The following ZSWIM6 variants were observed in gnomAD, a reference collection of about 807,000 sequenced individuals.
The protein encoded by ZSWIM6 is zinc finger SWIM domain-containing protein 6.
In ZSWIM6, 9 loss-of-function variants were observed where a neutral mutation model predicts 113.2. The ratio of observed to expected loss-of-function variants is 0.08; its 90% CI spans 0.05 to 0.14. The LOEUF (loss-of-function observed/expected upper bound fraction) is 0.14. ZSWIM6 is among the 10% of genes least tolerant of loss of function. The pLI, the probability that ZSWIM6 is intolerant of heterozygous loss-of-function variation, is 1.00. For synonymous variants in ZSWIM6, 611 were observed against 606.5 expected (o/e 1.01, Z -0.11); for missense variants, 1,162 against 1,552.2 (o/e 0.75, Z 4.22).
At chr5:61,504,144 G>T (rs1403141389) in intron 4 of ZSWIM6, among the ~76,000 whole-genome samples, 1 of 152,172 alleles carries the variant, frequency 6.6e-6, no homozygotes. Flanking sequence ...AACAATGATT[G>T]AAAGGTATTA....
intron 4 of ZSWIM6, among the ~76,000 whole-genome samples, chr5:61,509,847 T>A (rs1748731266): frequency 6.6e-6 from 1 of 152,178 alleles, no homozygotes. Context: ...TTATTAAATG[T>A]AAAATACTTA....
rs577935740 is a variant in ZSWIM6 at position 61,471,117 on chromosome 5, A to G, written c.677-1564A>G. 8.5e-5 allele frequency among the ~76,000 whole-genome samples: 13 copies of G among 152,316 alleles called. No individual in the cohort carries two copies. In the South Asian group the frequency reaches 2.1e-3, roughly 24 times the overall value. ...ACTGGAAGAAACAGTGGCTAGCTAG[A>G]TGAATTTTATTAAAGTAGCATCAAT... On this transcript the variant is annotated intron_variant, in intron 1 of 13. Transcript: ENST00000252744.
At chr5:61,340,655 T>G (rs949078132) in intron 1 of ZSWIM6, among the ~76,000 whole-genome samples, 2 of 152,246 alleles carry the variant, frequency 1.3e-5, no homozygotes, top group Non-Finnish European at 2.9e-5. Flanking sequence ...GTAAATTGTT[T>G]AGAGTGGCAT....
rs182728817 is a variant in ZSWIM6, at chr5:61,333,306, G to T, written c.676+358G>T. Among the ~76,000 whole-genome samples, 1,929 of 151,506 alleles carry T rather than the reference G, an allele frequency of 0.013. 130 individuals are homozygous for T. In the East Asian group the frequency reaches 0.2, roughly 16 times the overall value. ...ATGTGGACAAAGGCGCGGGCGGACG[G>T]CCGGCCTCCGGCGAGGGTGTGTGTG... On this transcript the variant is annotated intron_variant, in intron 1 of 13. Coordinates refer to ENST00000252744, the MANE Select transcript of ZSWIM6 (RefSeq NM_020928.2).
At chr5:61,453,141 T>C (rs1747120300) in intron 1 of ZSWIM6, among the ~76,000 whole-genome samples, 1 of 152,206 alleles carries the variant, frequency 6.6e-6, no homozygotes, top group African/African-American at 2.4e-5. Flanking sequence ...ATCTGCCAAG[T>C]TGCTTCACTT....
intron 10 of ZSWIM6, among the ~76,000 whole-genome samples, chr5:61,537,831 T>C (rs1749619431): frequency 6.6e-6 from 1 of 152,262 alleles, no homozygotes; most frequent in Admixed American, 6.5e-5. Context: ...ATTTTGATGG[T>C]TGTAAATAAA....
Position 61,541,898 on chromosome 5 carries a change from A to G in ZSWIM6, c.2718A>G (p.Thr906=). ...TGTTTTTATAGGTTATGCGAATGAC[A>G]CTGTCAACCTTAAATTGGCGACGGC... is the stretch of plus-strand genomic sequence containing the variant. ...LELGLQVMRM[T]LSTLNWRRRE... is the part of the protein sequence containing the mutation. The change falls in exon 13 of 14, where the codon ACA becomes ACG. Residue 906 remains threonine, a synonymous_variant. Transcript: ENST00000252744. 1 of 1,551,202 alleles carries G rather than the reference A, an allele frequency of 6.4e-7. No individual in the cohort carries two copies. Among genetic ancestry groups the G allele is most frequent in the Non-Finnish European group, 8.7e-7 (1 of 1,146,404 alleles).
At chr5:61,361,194 A>AAC (rs1745026762) in intron 1 of ZSWIM6, among the ~76,000 whole-genome samples, 1 of 152,202 alleles carries the variant, frequency 6.6e-6, no homozygotes, top group Admixed American at 6.5e-5. Context: ...AAGTGCTTTA[A>AAC]ACACATTGCT....
At chr5:61,516,556 A>T (rs1748948441) in intron 4 of ZSWIM6, among the ~76,000 whole-genome samples, 1 of 148,292 alleles carries the variant, frequency 6.7e-6, no homozygotes. Context: ...TATAGTTTAT[A>T]GATACAGTTT....
At chr5:61,501,100 C>G (rs1185441929) in intron 4 of ZSWIM6, among the ~76,000 whole-genome samples, 1 of 152,168 alleles carries the variant, frequency 6.6e-6, no homozygotes, top group East Asian at 1.9e-4. Context: ...CAGCACTGTT[C>G]TCAGAAGGCT....
chr5:61,487,161 G>C (rs1214591792), intron 2 of ZSWIM6, among the ~76,000 whole-genome samples: 1 of 151,932 alleles, frequency 6.6e-6, no homozygotes, highest in African/African-American at 2.4e-5. Flanking sequence ...CCTTTCCCTA[G>C]TGTATATTCT....
rs1432073130 is a variant in ZSWIM6, at chr5:61,463,846, G to A, written c.677-8835G>A. On this transcript the variant is annotated intron_variant, in intron 1 of 13. Coordinates refer to ENST00000252744, the MANE Select transcript of ZSWIM6 (RefSeq NM_020928.2). ...AACCCCATGAGTTCTTTCATTTGAT[G>A]TACTTTCGAGGGCCTGGCCTATTCT... Among the ~76,000 whole-genome samples the A allele has an allele frequency of 1.3e-5, 2 of 152,142 alleles. 1 individual carries two copies. Among genetic ancestry groups the A allele is most frequent in the South Asian group, 4.1e-4 (2 of 4,828 alleles).
intron 1 of ZSWIM6, among the ~76,000 whole-genome samples, chr5:61,446,706 CTTAAG>C: frequency 6.6e-6 from 1 of 152,280 alleles, no homozygotes. Context: ...TAAAGATTTA[CTTAAG>C]TCACATGAAC....
chr5:61,402,017 T>C (rs1745947990), intron 1 of ZSWIM6, among the ~76,000 whole-genome samples: 1 of 151,928 alleles, frequency 6.6e-6, no homozygotes, highest in Non-Finnish European at 1.5e-5. Context: ...TTTTTCACCC[T>C]AGCTCCAGGG....
chr5:61,535,595 A>G lies in ZSWIM6; in HGVS notation c.2357A>G (p.Tyr786Cys), dbSNP rs1398243612. The change falls in exon 10 of 14, where the codon TAC becomes TGC. Residue 786 changes from tyrosine to cysteine, a missense_variant. By Grantham distance (194) the Tyr-to-Cys change is radical. Coordinates refer to ENST00000252744, the MANE Select transcript of ZSWIM6 (RefSeq NM_020928.2). ...SLLPHDAELA[Y>C]KIALRAMRLL... Reference sequence around the variant, plus strand: ...CTACCTCACGATGCTGAATTGGCATACAAAATTGCACTGAGAGCAATGCGG... The same window carrying G: ...CTACCTCACGATGCTGAATTGGCATGCAAAATTGCACTGAGAGCAATGCGG... 58 of 1,551,210 alleles carry G rather than the reference A, an allele frequency of 3.7e-5. No individual in the cohort carries two copies. The highest frequency in any genetic ancestry group is 5.1e-5 in the Non-Finnish European group (58 of 1,146,736).
At chr5:61,449,437 C>T (rs1208180101) in intron 1 of ZSWIM6, among the ~76,000 whole-genome samples, 2 of 151,898 alleles carry the variant, frequency 1.3e-5, no homozygotes, top group African/African-American at 2.4e-5. Flanking sequence ...ACCATGTTGC[C>T]CAGGCTGTCC....
chr5:61,461,087 GT>G (rs927244858), intron 1 of ZSWIM6, among the ~76,000 whole-genome samples: 3 of 152,096 alleles, frequency 2.0e-5, no homozygotes, highest in African/African-American at 7.2e-5. Flanking sequence ...TAATTTTGGA[GT>G]TTTTAAAAAA....
At chr5:61,419,063 C>CCCCCTG (rs1315415263) in intron 1 of ZSWIM6, among the ~76,000 whole-genome samples, 1 of 152,226 alleles carries the variant, frequency 6.6e-6, no homozygotes, top group Non-Finnish European at 1.5e-5. Context: ...TTCAGGTGAT[C>CCCCCTG]CCCCTGCCTT....
intron 1 of ZSWIM6, among the ~76,000 whole-genome samples, chr5:61,451,190 C>G (rs955168394): frequency 1.3e-5 from 2 of 152,120 alleles, no homozygotes; most frequent in African/African-American, 4.8e-5. Context: ...TCCCTTAGTT[C>G]TTTCAGAAAG....
Sources: gnomAD v4.1 joint callset for allele counts (sites outside exome capture counted in the v4.1 genomes callset) on GRCh38, gnomAD v4.1.1 for gene constraint, MANE v1.5 for transcripts, NCBI Gene and HGNC (gene_info 2026-07-23, HGNC 2026-07-21) for gene names.